WBP1L: variants seen among roughly 807,000 people sequenced by gnomAD.
WBP1L encodes WW domain binding protein 1-like.
WBP1L carries 17 observed loss-of-function variants against 33.7 expected under a neutral mutation model. That is an observed-to-expected ratio of 0.50 (90% CI 0.34 to 0.76). The LOEUF is 0.76. Among genes scored for constraint, WBP1L ranks in the 30% least tolerant of loss-of-function variants. The pLI, the probability that WBP1L is intolerant of heterozygous loss-of-function variation, is 0.01. For missense variants in WBP1L, 389 were observed against 469.4 expected (o/e 0.83, Z 1.58); for synonymous variants, 173 against 190.8 (o/e 0.91, Z 0.77).
intron 2 of WBP1L, among the ~76,000 whole-genome samples, chr10:102,801,209 G>T (rs1355279636): frequency 1.3e-5 from 2 of 152,184 alleles, no homozygotes; most frequent in Non-Finnish European, 2.9e-5. Flanking sequence ...TTTAATAGGG[G>T]CAGTAGTTGA....
rs1843860629 is a variant in WBP1L, at chr10:102,812,642, C to T, written c.403C>T (p.Arg135Ter). ...ACCTCCTTATGAGGAAGTGGTGAACCGACCTCCAACTCCTCCCCCACCATA... is the reference window on the plus strand; with the variant it reads ...ACCTCCTTATGAGGAAGTGGTGAACTGACCTCCAACTCCTCCCCCACCATA... Reference protein sequence around the residue: ...LLPPYEEVVNRPPTPPPPYSA... With the variant: ...LLPPYEEVVN The change falls in exon 4 of 4, where the codon CGA becomes TGA. Residue 135 changes from arginine (R) to a stop codon, truncating the protein, a stop_gained. Transcript: ENST00000448841. LOFTEE classifies it high-confidence loss of function. The T allele has an allele frequency of 3.1e-6, 5 of 1,601,706 alleles. No individual in the cohort carries two copies. The highest frequency in any genetic ancestry group is 3.4e-6 in the Non-Finnish European group (4 of 1,174,982).
rs193053197 is a variant in WBP1L at position 102,799,010 on chromosome 10, C to A, written c.193+915C>A. Among the ~76,000 whole-genome samples, 331 of 152,282 alleles carry A rather than the reference C, an allele frequency of 2.2e-3. 3 individuals are homozygous for A. Among genetic ancestry groups the A allele is most frequent in the Non-Finnish European group, 3.7e-3 (250 of 68,026 alleles). On this transcript the variant is annotated intron_variant, in intron 2 of 3. Transcript: ENST00000448841. ...GTTCCTGGAGGATTCTCCAGTGTAC[C>A]TAACCTTTTACTGTCAGCTAAATCC... is the stretch of plus-strand genomic sequence containing the variant.
intron 2 of WBP1L, among the ~76,000 whole-genome samples, chr10:102,799,010 C>T (rs193053197): frequency 1.3e-5 from 2 of 152,282 alleles, no homozygotes; most frequent in East Asian, 3.9e-4. Flanking sequence ...TCCAGTGTAC[C>T]TAACCTTTTA....
At chr10:102,810,094 C>G in intron 3 of WBP1L, 40 bp downstream of exon 3, 1 of 1,571,750 alleles carries the variant, frequency 6.4e-7, no homozygotes. Context: ...CTCAGGAGCT[C>G]AGGTGCACAG....
rs527717237 is a variant in WBP1L, at chr10:102,780,529, T to C, written c.91-17464T>C. 9.8e-5 allele frequency among the ~76,000 whole-genome samples: 15 copies of C among 152,330 alleles called. No individual in the cohort carries two copies. In the East Asian group the frequency reaches 2.9e-3, roughly 29 times the overall value. On this transcript the variant is annotated intron_variant, in intron 1 of 3. Transcript: ENST00000448841. The stretch of plus-strand genomic sequence containing the variant: ...TTGATTGGGTAATGTCGAAGGTTTC[T>C]TAGGAGCAACACTCAGCATCTGAAA...
intron 1 of WBP1L, among the ~76,000 whole-genome samples, chr10:102,779,584 G>A (rs1843310517): frequency 6.6e-6 from 1 of 152,118 alleles, no homozygotes; most frequent in Non-Finnish European, 1.5e-5. Flanking sequence ...TTATAGACAT[G>A]AGCCACCAGG....
At chr10:102,752,466 CA>C (rs1415716649) in intron 1 of WBP1L, among the ~76,000 whole-genome samples, 1 of 152,154 alleles carries the variant, frequency 6.6e-6, no homozygotes, top group Non-Finnish European at 1.5e-5. Flanking sequence ...TCTTGTCAGC[CA>C]ACATCAAACA....
At position 102,809,239 on chromosome 10, in the gene WBP1L, G is replaced by A. The variant is rs985593022; in HGVS notation, c.194-654G>A. ...ATTATAGGTGCATGCCATCACGCCT[G>A]GCTAATTTTTGTATTTTTAGTAGAG... On this transcript the variant is annotated intron_variant, in intron 2 of 3. Coordinates refer to ENST00000448841, the MANE Select transcript of WBP1L (RefSeq NM_001083913.2). Among the ~76,000 whole-genome samples the A allele has an allele frequency of 3.9e-5, 6 of 152,154 alleles. No individual in the cohort carries two copies. The East Asian group carries it at 1.2e-3, about 29-fold the overall frequency.
chr10:102,785,281 A>G (rs1434729861), intron 1 of WBP1L, among the ~76,000 whole-genome samples: 1 of 147,422 alleles, frequency 6.8e-6, no homozygotes, highest in Non-Finnish European at 1.5e-5. Flanking sequence ...TCCACCTCCC[A>G]GGTTCATGCC....
At chr10:102,746,062 G>C in intron 1 of WBP1L, 1 of 835,420 alleles carries the variant, frequency 1.2e-6, no homozygotes, top group Non-Finnish European at 1.4e-6. Flanking sequence ...TTTGGTTTAG[G>C]AATGTCAGAG....
rs1299783428 is a variant in WBP1L, at chr10:102,814,795, A to C, written c.*1464A>C. On this transcript the variant is annotated 3_prime_UTR_variant, in exon 4 of 4. Transcript: ENST00000448841. ...AAACATTCCCCACCCGGCCCTGTGC[A>C]TATGAAGTCTTTCTTCCCCCAACTC... The C allele has an allele frequency of 6.6e-6, 1 of 152,524 alleles. No homozygotes were observed. The highest frequency in any genetic ancestry group is 1.5e-5 in the Non-Finnish European group (1 of 68,012). 9.4% of individuals were successfully genotyped at this position (152,524 alleles called of 1,614,324 possible).
intron 1 of WBP1L, among the ~76,000 whole-genome samples, chr10:102,789,390 G>A (rs950248997): frequency 1.2e-4 from 19 of 152,070 alleles, no homozygotes; most frequent in African/African-American, 4.3e-4. Context: ...TCTCTTCCTT[G>A]AGCACACCAA....
chr10:102,794,042 AT>A (rs1467494673), intron 1 of WBP1L, among the ~76,000 whole-genome samples: 4 of 152,156 alleles, frequency 2.6e-5, no homozygotes, highest in Admixed American at 6.6e-5. Context: ...AAGTGCTGAA[AT>A]TATAGGCGTG....
intron 1 of WBP1L, among the ~76,000 whole-genome samples, chr10:102,797,312 G>A (rs1242201575): frequency 1.3e-5 from 2 of 152,182 alleles, no homozygotes; most frequent in Non-Finnish European, 2.9e-5. Context: ...TATTTAAAAT[G>A]TACTGCTAAT....
chr10:102,762,454 T>C (rs1301273512), intron 1 of WBP1L, among the ~76,000 whole-genome samples: 3 of 152,144 alleles, frequency 2.0e-5, no homozygotes, highest in Non-Finnish European at 1.5e-5. Flanking sequence ...AAAATGTTAC[T>C]CCCAACAGTA....
At chr10:102,795,896 C>T (rs761530807) in intron 1 of WBP1L, among the ~76,000 whole-genome samples, 2 of 152,170 alleles carry the variant, frequency 1.3e-5, no homozygotes, top group African/African-American at 4.8e-5. Flanking sequence ...TTTCCACACG[C>T]ACCAGGCTTC....
chr10:102,811,563 T>A (rs533179799), intron 3 of WBP1L, among the ~76,000 whole-genome samples: 1 of 152,378 alleles, frequency 6.6e-6, no homozygotes, highest in African/African-American at 2.4e-5. Flanking sequence ...CAGGCTTGAC[T>A]GCAGTGGCGT....
intron 1 of WBP1L, among the ~76,000 whole-genome samples, chr10:102,748,379 A>C (rs1024191955): frequency 6.6e-6 from 1 of 150,926 alleles, no homozygotes; most frequent in Admixed American, 6.6e-5. Flanking sequence ...ACCTTTACTC[A>C]CCTCCATTCC....
rs35342758 is a variant in WBP1L at position 102,785,182 on chromosome 10, C to CTT, written c.91-12794_91-12793dup. On this transcript the variant is annotated intron_variant, in intron 1 of 3. Coordinates refer to ENST00000448841, the MANE Select transcript of WBP1L (RefSeq NM_001083913.2). ...AGCCACTGCGCCAGGCACCAGCCCACTTTTTTTTTTTTTTTTTTGAGACAG... is the reference window on the plus strand; with the variant it reads ...AGCCACTGCGCCAGGCACCAGCCCACTTTTTTTTTTTTTTTTTTTTGAGACAG... Among the ~76,000 whole-genome samples the CTT allele has an allele frequency of 6.3e-3, 786 of 124,980 alleles. 7 individuals carry two copies. Among genetic ancestry groups the CTT allele is most frequent in the East Asian group, 9.8e-3 (42 of 4,302 alleles). The allele number at this position is 124,980 out of a possible 152,430, so 82.0% of individuals were successfully genotyped here.
Sources: gnomAD v4.1 joint callset for allele counts (sites outside exome capture counted in the v4.1 genomes callset) on GRCh38, gnomAD v4.1.1 for gene constraint, MANE v1.5 for transcripts, NCBI Gene and HGNC (gene_info 2026-07-23, HGNC 2026-07-21) for gene names.